Variants in NRXN3 observed in about 807,000 individuals in gnomAD.
NRXN3 encodes the protein neurexin 3, also known as neurexin III.
NRXN3 carries 32 observed loss-of-function variants against 137.6 expected under a neutral mutation model. The observed-to-expected ratio is 0.23, with a 90% confidence interval of 0.18 to 0.31. NRXN3 has a LOEUF of 0.31. NRXN3 is among the 10% of genes least tolerant of loss of function. The pLI, the probability that NRXN3 is intolerant of heterozygous loss-of-function variation, is 1.00. For missense variants in NRXN3, 1,574 were observed against 2,062.5 expected, an observed-to-expected ratio of 0.76 and a Z score of 4.59; for synonymous variants, 798 against 784.5, an observed-to-expected ratio of 1.02 and a Z score of -0.29.
At chr14:79,227,805 CCTCCCTCCCTTCCTCCCTTCCTCCCTT>C (rs2071313226) in intron 15 of NRXN3, among the ~76,000 whole-genome samples, 1 of 124,726 alleles carries the variant, frequency 8.0e-6, no homozygotes, top group Non-Finnish European at 1.8e-5. Context: ...TTCCTCCCTT[CCTCCCTCCCTTCCTCCCTTCCTCCCTT>C]CCTCCCTCCC....
At chr14:79,694,204 A>G (rs769865932) in intron 18 of NRXN3, among the ~76,000 whole-genome samples, 3 of 151,924 alleles carry the variant, frequency 2.0e-5, no homozygotes, top group Non-Finnish European at 4.4e-5. Context: ...GACCTTAGAC[A>G]ATCCACTTAA....
chr14:79,471,191 T>A (rs1362640437), intron 16 of NRXN3, among the ~76,000 whole-genome samples: 1 of 152,012 alleles, frequency 6.6e-6, no homozygotes, highest in Non-Finnish European at 1.5e-5. Context: ...GACCCTGGGG[T>A]AAGCACCCAC....
At chr14:78,697,117 G>A (rs375307341) in intron 6 of NRXN3, among the ~76,000 whole-genome samples, 5 of 152,048 alleles carry the variant, frequency 3.3e-5, no homozygotes, top group South Asian at 2.1e-4. Context: ...ATCACACCTA[G>A]TTTTATTTAA....
At chr14:79,389,546 C>A (rs1238026360) in intron 15 of NRXN3, among the ~76,000 whole-genome samples, 1 of 152,126 alleles carries the variant, frequency 6.6e-6, no homozygotes, top group Non-Finnish European at 1.5e-5. Context: ...GGCAAATAAC[C>A]CAAACCCTTC....
At chr14:78,912,867 A>G (rs151109205) in intron 10 of NRXN3, among the ~76,000 whole-genome samples, 108 of 152,268 alleles carry the variant, frequency 7.1e-4, no homozygotes, top group Middle Eastern at 3.4e-3. Flanking sequence ...TGTTTTTTGA[A>G]TTAAAGGGCC....
At chr14:79,254,804 C>G (rs1007580293) in intron 15 of NRXN3, among the ~76,000 whole-genome samples, 12 of 142,410 alleles carry the variant, frequency 8.4e-5, no homozygotes, top group African/African-American at 2.0e-4. Context: ...CTGCCTGCCT[C>G]CCTCCCTCCC....
intron 15 of NRXN3, among the ~76,000 whole-genome samples, chr14:79,233,482 G>A (rs557921072): frequency 7.9e-5 from 12 of 152,122 alleles, no homozygotes; most frequent in African/African-American, 2.9e-4. Context: ...TATATCATGC[G>A]GGCTTTGACA....
intron 8 of NRXN3, among the ~76,000 whole-genome samples, chr14:78,728,660 G>C (rs543040300): frequency 1.3e-5 from 2 of 152,148 alleles, no homozygotes; most frequent in African/African-American, 4.8e-5. Context: ...TGCTTTGGGA[G>C]ATAGAGGTGG....
intron 9 of NRXN3, 84 bp downstream of exon 9, chr14:78,803,907 T>C: frequency 7.4e-7 from 1 of 1,353,412 alleles, no homozygotes; most frequent in Non-Finnish European, 1.0e-6. Flanking sequence ...ATTGAATTCT[T>C]TGTTTGTTTC....
intron 16 of NRXN3, among the ~76,000 whole-genome samples, chr14:79,517,067 T>G (rs1221098152): frequency 6.7e-6 from 1 of 148,456 alleles, no homozygotes; most frequent in Non-Finnish European, 1.5e-5. Flanking sequence ...CAAATTGTCC[T>G]TGAGAAGTAT....
At chr14:79,502,343 C>T (rs1036258024) in intron 16 of NRXN3, among the ~76,000 whole-genome samples, 5 of 152,114 alleles carry the variant, frequency 3.3e-5, no homozygotes, top group African/African-American at 7.2e-5. Context: ...GCAGACCCTC[C>T]GAGTGAAGTA....
intron 15 of NRXN3, among the ~76,000 whole-genome samples, chr14:79,411,082 G>A (rs1299339710): frequency 2.6e-5 from 4 of 152,040 alleles, no homozygotes. Context: ...TTTTGCATAA[G>A]GTAATTTTGT....
chr14:79,039,726 G>T (rs903850844), intron 15 of NRXN3, among the ~76,000 whole-genome samples: 4 of 151,982 alleles, frequency 2.6e-5, no homozygotes, highest in African/African-American at 9.7e-5. Context: ...TTGCTCTGTT[G>T]CCCAGGCTAG....
chr14:78,371,823 G>A lies in NRXN3; in HGVS notation c.757+73963G>A, dbSNP rs184274627. Reference sequence around the variant, plus strand: ...TCAAGGGAACTATTCTGTCTCATTTGTATAGTGATAAGTATGCAGTAGGTA... The same window carrying A: ...TCAAGGGAACTATTCTGTCTCATTTATATAGTGATAAGTATGCAGTAGGTA... On this transcript the variant is annotated intron_variant, in intron 4 of 20. Transcript: ENST00000335750. 1.3e-3 allele frequency among the ~76,000 whole-genome samples: 193 copies of A among 152,358 alleles called. 1 individual carries two copies. The highest frequency in any genetic ancestry group is 4.3e-3 in the African/African-American group (177 of 41,592).
At position 79,046,612 on chromosome 14, in the gene NRXN3, A is replaced by C. The variant is rs116839584; in HGVS notation, c.3262+58471A>C. On this transcript the variant is annotated intron_variant, in intron 15 of 20. Coordinates refer to ENST00000335750, the MANE Select transcript of NRXN3 (RefSeq NM_001330195.2). ...GACATAGGATCTTGTAGTGCAAAAA[A>C]CATGAGACTTTCATCAGACAATCAG... Among the ~76,000 whole-genome samples the C allele has an allele frequency of 6.3e-3, 957 of 152,296 alleles. 10 individuals are homozygous for C. Among genetic ancestry groups the C allele is most frequent in the African/African-American group, 0.022 (906 of 41,542 alleles).
chr14:79,096,575 A>G (rs1400563834), intron 15 of NRXN3, among the ~76,000 whole-genome samples: 2 of 149,370 alleles, frequency 1.3e-5, no homozygotes, highest in African/African-American at 5.0e-5. Context: ...ATTATGCAGT[A>G]CTTCTTGTGA....
At chr14:78,821,479 G>A (rs1339543148) in intron 10 of NRXN3, among the ~76,000 whole-genome samples, 1 of 152,102 alleles carries the variant, frequency 6.6e-6, no homozygotes, top group East Asian at 1.9e-4. Flanking sequence ...ATGCCCATAG[G>A]ACTGAAGGGG....
At chr14:79,805,716 C>T (rs2099201979) in intron 20 of NRXN3, among the ~76,000 whole-genome samples, 1 of 152,114 alleles carries the variant, frequency 6.6e-6, no homozygotes, top group South Asian at 2.1e-4. Flanking sequence ...ATTTCAACAG[C>T]AGTTAACATG....
At chr14:78,462,154 C>T (rs1277726632) in intron 4 of NRXN3, among the ~76,000 whole-genome samples, 8 of 152,146 alleles carry the variant, frequency 5.3e-5, no homozygotes, top group East Asian at 1.9e-4. Context: ...GAAGGAAGCC[C>T]GGCTTCCTGG....
Sources: gnomAD v4.1 joint callset for allele counts (sites outside exome capture counted in the v4.1 genomes callset) on GRCh38, gnomAD v4.1.1 for gene constraint, MANE v1.5 for transcripts, NCBI Gene and HGNC (gene_info 2026-07-23, HGNC 2026-07-21) for gene names.